Variants in GPR158 observed in about 807,000 individuals in gnomAD.
The protein encoded by GPR158 is metabotropic glycine receptor.
In GPR158, 30 loss-of-function variants were observed where a neutral mutation model predicts 78.2. The observed-to-expected ratio is 0.38, with a 90% confidence interval of 0.29 to 0.52. The LOEUF (loss-of-function observed/expected upper bound fraction) is 0.52. GPR158 is among the 20% of genes least tolerant of loss of function. The pLI is 0.83. For synonymous variants in GPR158, 581 were observed against 591.1 expected (o/e 0.98, Z 0.25); for missense variants, 1,463 against 1,523.5 (o/e 0.96, Z 0.66).
At chr10:25,503,965 A>C (rs941973352) in intron 5 of GPR158, among the ~76,000 whole-genome samples, 1 of 149,522 alleles carries the variant, frequency 6.7e-6, no homozygotes, top group South Asian at 2.1e-4. Flanking sequence ...ACCTTGGCTC[A>C]CTGCAATCTC....
At chr10:25,187,192 C>G (rs1367766055) in intron 1 of GPR158, among the ~76,000 whole-genome samples, 4 of 151,898 alleles carry the variant, frequency 2.6e-5, no homozygotes, top group African/African-American at 9.7e-5. Flanking sequence ...GTCTCAATCT[C>G]CTGACCTCGT....
At chr10:25,340,507 A>C (rs1257082368) in intron 2 of GPR158, among the ~76,000 whole-genome samples, 1 of 152,080 alleles carries the variant, frequency 6.6e-6, no homozygotes. Flanking sequence ...ACAGCTTAAA[A>C]TTTCAACAGA....
At chr10:25,196,077 C>A (rs529553693) in intron 1 of GPR158, among the ~76,000 whole-genome samples, 1 of 151,614 alleles carries the variant, frequency 6.6e-6, no homozygotes, top group South Asian at 2.1e-4. Flanking sequence ...ATTTAGTGGG[C>A]CCTTTTAGAC....
At chr10:25,189,052 A>T (rs1355109743) in intron 1 of GPR158, among the ~76,000 whole-genome samples, 1 of 152,226 alleles carries the variant, frequency 6.6e-6, no homozygotes, top group Non-Finnish European at 1.5e-5. Flanking sequence ...ATCACTGGCC[A>T]CCAGAGAAAT....
intron 2 of GPR158, among the ~76,000 whole-genome samples, chr10:25,273,400 C>CTTTTTTT (rs36068886): frequency 1.6e-5 from 2 of 122,044 alleles, no homozygotes; most frequent in South Asian, 2.7e-4. Flanking sequence ...ACATTGGCAT[C>CTTTTTTT]TTTTTTTTTT....
At chr10:25,550,750 C>A (rs527807205) in intron 5 of GPR158, among the ~76,000 whole-genome samples, 14 of 152,078 alleles carry the variant, frequency 9.2e-5, no homozygotes, top group Non-Finnish European at 1.8e-4. Context: ...ATCCCTCCCC[C>A]CAAAGTTAGA....
intron 2 of GPR158, among the ~76,000 whole-genome samples, chr10:25,251,236 C>T (rs1853793484): frequency 6.6e-6 from 1 of 152,154 alleles, no homozygotes; most frequent in African/African-American, 2.4e-5. Context: ...CTCCTGAATA[C>T]AGCACACTGA....
At chr10:25,439,236 C>T (rs957916267) in intron 4 of GPR158, among the ~76,000 whole-genome samples, 1 of 152,130 alleles carries the variant, frequency 6.6e-6, no homozygotes, top group Non-Finnish European at 1.5e-5. Context: ...AAGGTGAAAG[C>T]CACGTCTCAC....
chr10:25,582,746 C>A (rs901975350), intron 7 of GPR158, among the ~76,000 whole-genome samples: 1 of 152,154 alleles, frequency 6.6e-6, no homozygotes, highest in Non-Finnish European at 1.5e-5. Context: ...TACAATAAAA[C>A]CTTCACAAAG....
At chr10:25,501,431 T>A (rs1835945132) in intron 5 of GPR158, among the ~76,000 whole-genome samples, 1 of 152,268 alleles carries the variant, frequency 6.6e-6, no homozygotes, top group African/African-American at 2.4e-5. Context: ...TATATCTTTA[T>A]ATGTTTACTC....
At chr10:25,224,418 TTA>T (rs1853344763) in intron 2 of GPR158, among the ~76,000 whole-genome samples, 1 of 151,532 alleles carries the variant, frequency 6.6e-6, no homozygotes, top group Non-Finnish European at 1.5e-5. Context: ...TGTTATATTT[TTA>T]TGTTAAGTAT....
chr10:25,546,796 A>C (rs1335199), intron 5 of GPR158, among the ~76,000 whole-genome samples: 81,193 of 151,890 alleles, frequency 0.53, 22,718 homozygotes, highest in African/African-American at 0.69. Flanking sequence ...TGTTCTTTCT[A>C]GAGGAAGGGA....
intron 3 of GPR158, among the ~76,000 whole-genome samples, chr10:25,402,159 C>T (rs1834456247): frequency 6.6e-6 from 1 of 152,074 alleles, no homozygotes; most frequent in East Asian, 1.9e-4. Flanking sequence ...TTATTTTTAT[C>T]GTGTTCCTGC....
At position 25,435,253 on chromosome 10, in the gene GPR158, A is replaced by G. The variant is rs573115098; in HGVS notation, c.1335+22780A>G. Among the ~76,000 whole-genome samples the G allele has an allele frequency of 2.6e-5, 4 of 152,306 alleles. No individual in the cohort carries two copies. The South Asian group carries it at 6.2e-4, about 24-fold the overall frequency. Reference sequence around the variant, plus strand: ...TAGGGGTGTAAAGACAAGTGAGTATATAAATTAATATAAATAATGCTAAGT... The same window carrying G: ...TAGGGGTGTAAAGACAAGTGAGTATGTAAATTAATATAAATAATGCTAAGT... On this transcript the variant is annotated intron_variant, in intron 4 of 10. Transcript: ENST00000376351.
At chr10:25,232,211 TGA>T (rs1447708814) in intron 2 of GPR158, among the ~76,000 whole-genome samples, 1 of 152,162 alleles carries the variant, frequency 6.6e-6, no homozygotes, top group Admixed American at 6.5e-5. Flanking sequence ...ATTCTAGATA[TGA>T]GAGGCAATCA....
At chr10:25,557,024 T>C (rs1564489044) in intron 6 of GPR158, among the ~76,000 whole-genome samples, 1 of 152,232 alleles carries the variant, frequency 6.6e-6, no homozygotes, top group African/African-American at 2.4e-5. Context: ...TTTTAAATTG[T>C]ACTTAACAGG....
chr10:25,359,701 T>C (rs975404871), intron 2 of GPR158, among the ~76,000 whole-genome samples: 1 of 152,232 alleles, frequency 6.6e-6, no homozygotes, highest in African/African-American at 2.4e-5. Context: ...CTATTGTGAA[T>C]AGTGCTGCAA....
At chr10:25,490,375 C>T (rs1172288883) in intron 5 of GPR158, among the ~76,000 whole-genome samples, 1 of 146,138 alleles carries the variant, frequency 6.8e-6, no homozygotes, top group African/African-American at 2.6e-5. Flanking sequence ...ATGTGCCATG[C>T]TGGTGCGCTG....
chr10:25,507,970 CAG>C (rs1156470952), intron 5 of GPR158, among the ~76,000 whole-genome samples: 16 of 152,056 alleles, frequency 1.1e-4, no homozygotes, highest in African/African-American at 3.4e-4. Flanking sequence ...ATTTTCATGA[CAG>C]AAATTTTATA....
Sources: gnomAD v4.1 joint callset for allele counts (sites outside exome capture counted in the v4.1 genomes callset) on GRCh38, gnomAD v4.1.1 for gene constraint, MANE v1.5 for transcripts, NCBI Gene and HGNC (gene_info 2026-07-23, HGNC 2026-07-21) for gene names.